MYO16: variants seen among roughly 807,000 people sequenced by gnomAD.
MYO16 encodes the protein myosin XVI.
In MYO16, 94 loss-of-function variants were observed where a neutral mutation model predicts 205.3. The observed-to-expected ratio is 0.46, with a 90% CI of 0.39 to 0.54. The LOEUF (loss-of-function observed/expected upper bound fraction) is 0.54, where lower values mean the gene tolerates loss of function less well. MYO16 is among the 20% of genes least tolerant of loss of function. The pLI, the probability that MYO16 is intolerant of heterozygous loss-of-function variation, is 0.00. For missense variants in MYO16, 2,315 were observed against 2,387.5 expected (o/e 0.97, Z 0.63); for synonymous variants, 988 against 954.0 (o/e 1.04, Z -0.66).
At chr13:108,949,919 C>A (rs1759416589) in intron 16 of MYO16, among the ~76,000 whole-genome samples, 1 of 151,368 alleles carries the variant, frequency 6.6e-6, no homozygotes, top group African/African-American at 2.4e-5. Flanking sequence ...ACATACAAAA[C>A]AATCGAGTGG....
chr13:109,091,679 C>A (rs1888629449), intron 27 of MYO16, among the ~76,000 whole-genome samples: 1 of 152,160 alleles, frequency 6.6e-6, no homozygotes, highest in African/African-American at 2.4e-5. Flanking sequence ...TCCTTTCTTT[C>A]CTGGTCCTCC....
intron 34 of MYO16, among the ~76,000 whole-genome samples, chr13:109,199,191 GGTATATATATATATATATATA>G (rs1880289267): frequency 1.9e-5 from 1 of 51,896 alleles, no homozygotes; most frequent in African/African-American, 7.8e-5. Flanking sequence ...TAATAAAAAA[GGTATATATATATATATATATA>G]TATATATATA....
In MYO16 at chr13:109,141,243, G is replaced by A; in HGVS notation, c.5031G>A (p.Ser1677=). ...CCAGGAAGGCCGGCTCCAGTGCCTC[G>A]CCCCCCGCGCCCTACAGCCCTCCCA... The part of the protein sequence containing the change: ...ADARKAGSSA[S]PPAPYSPPSS... The change falls in exon 32 of 35, where the codon TCG becomes TCA. Residue 1677 remains serine (S), a synonymous_variant. Transcript: ENST00000457511. The surrounding 1 kb of genome is among the most constrained non-coding windows in gnomAD (Gnocchi z 4.1). 1 of 1,605,784 alleles carries A rather than the reference G, an allele frequency of 6.2e-7. No homozygotes were observed. The highest frequency in any genetic ancestry group is 8.5e-7 in the Non-Finnish European group (1 of 1,176,268).
the MYO16 span, among the ~76,000 whole-genome samples, chr13:108,591,040 T>C: frequency 6.6e-6 from 1 of 152,036 alleles, no homozygotes; most frequent in Admixed American, 6.6e-5. Flanking sequence ...CTTAACTGAG[T>C]TTCTGGGAGT....
intron 1 of MYO16, among the ~76,000 whole-genome samples, chr13:108,598,037 A>G (rs1030963613): frequency 1.2e-4 from 18 of 152,238 alleles, no homozygotes; most frequent in Admixed American, 9.8e-4. Context: ...TCCACTGCTG[A>G]AAATACCATT....
intron 10 of MYO16, among the ~76,000 whole-genome samples, chr13:108,851,303 A>G (rs762050644): frequency 1.2e-4 from 19 of 152,192 alleles, no homozygotes; most frequent in Non-Finnish European, 2.5e-4. Context: ...GCATGCCTAC[A>G]TAGTTTTGGG....
At chr13:108,604,995 T>C (rs543766574) in intron 1 of MYO16, among the ~76,000 whole-genome samples, 2 of 152,348 alleles carry the variant, frequency 1.3e-5, no homozygotes, top group East Asian at 1.9e-4. Context: ...ATTCTATCCA[T>C]GTGTAAACAT....
chr13:108,844,561 CAT>C (rs1315602512), intron 10 of MYO16, 68 bp downstream of exon 10: 3 of 1,430,958 alleles, frequency 2.1e-6, no homozygotes, highest in African/African-American at 2.9e-5. Flanking sequence ...TAAAATCCAA[CAT>C]ATTTCAAAAA....
At chr13:109,036,550 T>G (rs1436733771) in intron 23 of MYO16, among the ~76,000 whole-genome samples, 1 of 152,174 alleles carries the variant, frequency 6.6e-6, no homozygotes, top group Non-Finnish European at 1.5e-5. Flanking sequence ...GCACCCCTCA[T>G]TTGGCATCCA....
At chr13:108,527,654 G>T in the MYO16 span, among the ~76,000 whole-genome samples, 1 of 152,136 alleles carries the variant, frequency 6.6e-6, no homozygotes. Context: ...TTTGTATACA[G>T]CTGCCTTTCT....
intron 16 of MYO16, among the ~76,000 whole-genome samples, chr13:108,955,026 C>T (rs184699539): frequency 2.0e-4 from 31 of 152,282 alleles, no homozygotes; most frequent in Admixed American, 1.8e-3. Context: ...GTCCCTTCTC[C>T]GCAGCAAATG....
chr13:108,580,188 A>T, the MYO16 span, among the ~76,000 whole-genome samples: 1 of 152,214 alleles, frequency 6.6e-6, no homozygotes, highest in Non-Finnish European at 1.5e-5. Context: ...ATTTTGCTAT[A>T]CTGCATCCCT....
At chr13:108,770,602 C>A (rs999721057) in intron 4 of MYO16, among the ~76,000 whole-genome samples, 2 of 152,138 alleles carry the variant, frequency 1.3e-5, no homozygotes, top group East Asian at 3.9e-4. Flanking sequence ...CTCAAAGTTA[C>A]CACCTCATAA....
intron 2 of MYO16, among the ~76,000 whole-genome samples, chr13:108,703,382 G>T (rs1257426297): frequency 6.6e-6 from 1 of 152,126 alleles, no homozygotes; most frequent in Non-Finnish European, 1.5e-5. Flanking sequence ...CATACAAATT[G>T]TAAATATATA....
At chr13:108,919,735 A>G (rs1422155223) in intron 16 of MYO16, among the ~76,000 whole-genome samples, 5 of 152,248 alleles carry the variant, frequency 3.3e-5, no homozygotes, top group African/African-American at 4.8e-5. Context: ...AAATAAAATT[A>G]TGAATTTAAG....
At chr13:108,547,116 C>CA in the MYO16 span, among the ~76,000 whole-genome samples, 6 of 151,838 alleles carry the variant, frequency 4.0e-5, no homozygotes, top group Admixed American at 3.9e-4. Flanking sequence ...ACTAAAAATA[C>CA]AAAAAATTAG....
chr13:108,608,442 A>G (rs1879042981), intron 1 of MYO16, among the ~76,000 whole-genome samples: 1 of 152,180 alleles, frequency 6.6e-6, no homozygotes, highest in African/African-American at 2.4e-5. Flanking sequence ...CATCGGACCT[A>G]GCCAGAACCC....
intron 1 of MYO16, among the ~76,000 whole-genome samples, chr13:108,598,970 T>C (rs1157435854): frequency 6.7e-6 from 1 of 149,274 alleles, no homozygotes; most frequent in Non-Finnish European, 1.5e-5. Context: ...TAGCATTAGG[T>C]ATATCTCCTA....
chr13:108,678,155 G>A (rs947524329), intron 2 of MYO16, among the ~76,000 whole-genome samples: 2 of 152,178 alleles, frequency 1.3e-5, no homozygotes, highest in Admixed American at 1.3e-4. Context: ...GTGCAAGAAT[G>A]GACAGAACAG....
Sources: allele counts gnomAD v4.1 joint callset (sites outside exome capture counted in the v4.1 genomes callset), GRCh38; gene constraint gnomAD v4.1.1; non-coding constraint Gnocchi (gnomAD v3.1); transcripts MANE v1.5; gene names NCBI Gene and HGNC (gene_info 2026-07-23, HGNC 2026-07-21).